Variants in AP3B1 observed in about 807,000 individuals in gnomAD.
AP3B1 encodes the protein AP-3 complex subunit beta-1.
AP3B1 carries 61 observed loss-of-function variants against 132.5 expected under a neutral mutation model. That is an observed-to-expected ratio of 0.46 (90% confidence interval 0.37 to 0.57). The LOEUF is 0.57. Among genes scored for constraint, AP3B1 ranks in the 20% least tolerant of loss-of-function variants. AP3B1 has a pLI of 0.00. For synonymous variants in AP3B1, 388 were observed against 438.3 expected (o/e 0.89, Z 1.43); for missense variants, 1,120 against 1,289.4 (o/e 0.87, Z 2.01).
chr5:78,085,571 C>CTG (rs1200736876), intron 22 of AP3B1, among the ~76,000 whole-genome samples: 1 of 152,158 alleles, frequency 6.6e-6, no homozygotes, highest in Non-Finnish European at 1.5e-5. Context: ...CGAGTAAGCA[C>CTG]TATTCTGATT....
At chr5:78,096,828 C>T (rs1266291334) in intron 21 of AP3B1, among the ~76,000 whole-genome samples, 38 of 151,284 alleles carry the variant, frequency 2.5e-4, no homozygotes, top group Non-Finnish European at 5.2e-4. Flanking sequence ...CCGCCCCGTC[C>T]GGGAGGGAGG....
At chr5:78,251,599 C>T (rs1428333216) in intron 2 of AP3B1, among the ~76,000 whole-genome samples, 2 of 152,154 alleles carry the variant, frequency 1.3e-5, no homozygotes, top group African/African-American at 4.8e-5. Context: ...GAAAGGAAAA[C>T]CGGACCGAAC....
At chr5:78,216,388 A>G in intron 6 of AP3B1, 151 bp from the exon 7 acceptor site, 1 of 756,790 alleles carries the variant, frequency 1.3e-6, no homozygotes, top group Non-Finnish European at 2.2e-6. Flanking sequence ...TGAATAACAA[A>G]CTTTATGGTG....
rs1302695682 is a variant in AP3B1, at chr5:78,294,515, T to C, written c.65A>G (p.Gln22Arg). The change falls in exon 1 of 27, where the codon CAG (glutamine) becomes CGG (arginine). Residue 22 changes from glutamine (Q) to arginine (R), a missense_variant. Physicochemically the swap from Gln to Arg is conservative, Grantham distance 43. Around this residue, in one of 3 missense-constraint regions of AP3B1, gnomAD observed 85 missense variants for 79.9 expected, o/e 1.06. Transcript: ENST00000255194. Reference sequence around the variant, plus strand: ...GGGGGAAATGGTTGAGGTCGCCTCCTGACCCAGCTCCGTCGCCTCCCCTCC... The same window carrying C: ...GGGGGAAATGGTTGAGGTCGCCTCCCGACCCAGCTCCGTCGCCTCCCCTCC... ...SGGGEATELG[Q>R]EATSTISPSG... 3 of 1,614,244 alleles carry C rather than the reference T, an allele frequency of 1.9e-6. No individual in the cohort carries two copies. Among genetic ancestry groups the C allele is most frequent in the East Asian group, 2.2e-5 (1 of 44,886 alleles).
At chr5:78,172,589 T>C (rs1289541559) in intron 11 of AP3B1, among the ~76,000 whole-genome samples, 1 of 152,230 alleles carries the variant, frequency 6.6e-6, no homozygotes. Context: ...ATATCTCCTT[T>C]ATCATTTTTT....
chr5:78,222,763 CAA>C (rs1392989555), intron 6 of AP3B1, among the ~76,000 whole-genome samples: 1 of 150,252 alleles, frequency 6.7e-6, no homozygotes, highest in African/African-American at 2.4e-5. Flanking sequence ...ACAACGAGTT[CAA>C]AGATATAAAT....
intron 8 of AP3B1, among the ~76,000 whole-genome samples, chr5:78,180,688 T>C (rs539123465): frequency 6.6e-6 from 1 of 152,114 alleles, no homozygotes; most frequent in African/African-American, 2.4e-5. Flanking sequence ...GAAAATGCTA[T>C]GTACAGTATG....
At position 78,267,604 on chromosome 5, in the gene AP3B1, AAAGAG is replaced by A. The variant is rs982597895; in HGVS notation, c.129-14_129-10del. 3 of 1,541,660 alleles carry A rather than the reference AAAGAG, an allele frequency of 1.9e-6. No individual in the cohort carries two copies. The African/African-American group carries it at 4.1e-5, about 21-fold the overall frequency. ...GCTTTAGATCTTCATTCCTATTACA[AAAGAG>A]AAGAAAAAAAATCCATACTTTGATT... On this transcript the variant is annotated splice_polypyrimidine_tract_variant and intron_variant, in intron 1 of 26. Transcript: ENST00000255194.
intron 3 of AP3B1, among the ~76,000 whole-genome samples, chr5:78,237,719 A>G (rs1290218739): frequency 6.6e-6 from 1 of 152,166 alleles, no homozygotes; most frequent in African/African-American, 2.4e-5. Context: ...AGGCTGAGGC[A>G]GGAGAATCAC....
intron 22 of AP3B1, among the ~76,000 whole-genome samples, chr5:78,080,181 G>A (rs1457073227): frequency 6.6e-6 from 1 of 151,862 alleles, no homozygotes; most frequent in Admixed American, 6.6e-5. Context: ...GCTAATTTTT[G>A]TATTTTTTAT....
chr5:78,021,448 A>G (rs1208457114), intron 24 of AP3B1, among the ~76,000 whole-genome samples: 1 of 152,202 alleles, frequency 6.6e-6, no homozygotes, highest in East Asian at 1.9e-4. Context: ...TAGAAAAACA[A>G]TAAGTGCATT....
intron 2 of AP3B1, among the ~76,000 whole-genome samples, chr5:78,264,284 A>G (rs1748227552): frequency 6.6e-6 from 1 of 152,238 alleles, no homozygotes; most frequent in Admixed American, 6.5e-5. Context: ...CATTCTTCAA[A>G]GCAATAAAGA....
At chr5:78,003,578 CAA>C (rs1192360755) in intron 26 of AP3B1, 1 of 281,440 alleles carries the variant, frequency 3.6e-6, no homozygotes, top group African/African-American at 2.3e-5. Context: ...ACTCATGTAA[CAA>C]TATTCAAATT....
chr5:78,193,953 G>C (rs984785609), intron 7 of AP3B1, among the ~76,000 whole-genome samples: 9 of 151,344 alleles, frequency 5.9e-5, no homozygotes, highest in African/African-American at 2.2e-4. Context: ...ATTTTTAGTA[G>C]AGACGGGGTT....
intron 22 of AP3B1, among the ~76,000 whole-genome samples, chr5:78,070,412 A>AG (rs1191548304): frequency 1.3e-5 from 2 of 150,388 alleles, no homozygotes; most frequent in Admixed American, 6.6e-5. Flanking sequence ...ATCTCAAGAA[A>AG]AAAAAAAAAA....
intron 22 of AP3B1, among the ~76,000 whole-genome samples, chr5:78,062,506 A>G (rs2112146444): frequency 6.6e-6 from 1 of 152,380 alleles, no homozygotes; most frequent in South Asian, 2.1e-4. Context: ...TGAATTCACT[A>G]GGTAACCAAG....
chr5:78,272,573 C>G (rs1290209025), intron 1 of AP3B1, among the ~76,000 whole-genome samples: 1 of 152,112 alleles, frequency 6.6e-6, no homozygotes, highest in Non-Finnish European at 1.5e-5. Flanking sequence ...ATAGGGATTT[C>G]ATTCTATTAA....
intron 17 of AP3B1, among the ~76,000 whole-genome samples, chr5:78,119,340 G>A (rs1355025362): frequency 2.0e-5 from 3 of 152,216 alleles, no homozygotes; most frequent in Non-Finnish European, 4.4e-5. Context: ...GCTGGACGGA[G>A]AATGACGTTG....
intron 22 of AP3B1, among the ~76,000 whole-genome samples, chr5:78,069,376 T>C (rs2112159294): frequency 6.6e-6 from 1 of 152,334 alleles, no homozygotes; most frequent in East Asian, 1.9e-4. Context: ...CAAAAGCTTC[T>C]TAAGCTGATA....
Sources: gnomAD v4.1 joint callset for allele counts (sites outside exome capture counted in the v4.1 genomes callset) on GRCh38, gnomAD v4.1.1 for gene constraint, gnomAD v4.1.1 regional missense constraint, MANE v1.5 for transcripts, NCBI Gene and HGNC (gene_info 2026-07-23, HGNC 2026-07-21) for gene names.